Variants in ADCY2 observed in about 807,000 individuals in gnomAD.
ADCY2 encodes adenylate cyclase 2, also known as adenylate cyclase type 2.
In ADCY2, 31 loss-of-function variants were observed where a neutral mutation model predicts 125.2. The observed-to-expected ratio is 0.25, with a 90% CI of 0.19 to 0.33. The LOEUF is 0.33. ADCY2 is among the 10% of genes least tolerant of loss of function. The pLI is 1.00. For synonymous variants in ADCY2, 512 were observed against 548.4 expected (o/e 0.93, Z 0.93); for missense variants, 904 against 1,418.2 (o/e 0.64, Z 5.82).
At chr5:7,728,971 TTG>T (rs1470582560) in intron 14 of ADCY2, among the ~76,000 whole-genome samples, 1 of 152,202 alleles carries the variant, frequency 6.6e-6, no homozygotes. Context: ...TTTGATTTTC[TTG>T]TCTCTCTTCT....
chr5:7,517,312 TG>T lies in ADCY2; in HGVS notation c.409-3422del, dbSNP rs1744286209. ...GTACATCTAAGGGGAATGTCATCCA[TG>T]GGGAATGTCCCCATGGTAACATGGA... On this transcript the variant is annotated intron_variant, in intron 2 of 24. Transcript: ENST00000338316. 2.6e-5 allele frequency among the ~76,000 whole-genome samples: 4 copies of T among 152,320 alleles called. No individual in the cohort carries two copies. In the South Asian group the frequency reaches 8.3e-4, roughly 32 times the overall value.
At chr5:7,649,796 C>T (rs1247825762) in intron 4 of ADCY2, among the ~76,000 whole-genome samples, 1 of 152,124 alleles carries the variant, frequency 6.6e-6, no homozygotes, top group Non-Finnish European at 1.5e-5. Context: ...CAAAACATGA[C>T]CAAAATAGAG....
intron 4 of ADCY2, among the ~76,000 whole-genome samples, chr5:7,668,737 G>A (rs1739838040): frequency 6.6e-6 from 1 of 152,182 alleles, no homozygotes; most frequent in African/African-American, 2.4e-5. Flanking sequence ...GTCAGACAAA[G>A]GTTTTCTTGT....
At position 7,584,560 on chromosome 5, in the gene ADCY2, A is replaced by T. The variant is rs567834142; in HGVS notation, c.571-41607A>T. Among the ~76,000 whole-genome samples the T allele has an allele frequency of 7.9e-5, 12 of 152,250 alleles. No individual in the cohort carries two copies. In the South Asian group the frequency reaches 1.0e-3, roughly 13 times the overall value. Reference sequence around the variant, plus strand: ...ATCACTATGTTTGGAGATTGTGTGCACCCAGCTTTGTAACTGTGGTTATCT... The same window carrying T: ...ATCACTATGTTTGGAGATTGTGTGCTCCCAGCTTTGTAACTGTGGTTATCT... On this transcript the variant is annotated intron_variant, in intron 3 of 24. Transcript: ENST00000338316.
intron 4 of ADCY2, among the ~76,000 whole-genome samples, chr5:7,666,281 C>G (rs1161651512): frequency 6.6e-6 from 1 of 151,798 alleles, no homozygotes; most frequent in Non-Finnish European, 1.5e-5. Context: ...TTTATTTGTG[C>G]TCCTGTTACA....
intron 4 of ADCY2, among the ~76,000 whole-genome samples, chr5:7,667,991 A>G (rs1739815257): frequency 6.6e-6 from 1 of 152,220 alleles, no homozygotes; most frequent in South Asian, 2.1e-4. Flanking sequence ...GACAGGAAAA[A>G]TGAATTGTAT....
intron 2 of ADCY2, among the ~76,000 whole-genome samples, chr5:7,496,080 A>G (rs1743336533): frequency 6.6e-6 from 1 of 152,156 alleles, no homozygotes; most frequent in African/African-American, 2.4e-5. Context: ...AAAGATTGGA[A>G]CTATCAGGGG....
chr5:7,507,394 TCA>T (rs1743870993), intron 2 of ADCY2, among the ~76,000 whole-genome samples: 2 of 113,176 alleles, frequency 1.8e-5, no homozygotes, highest in African/African-American at 7.4e-5. Context: ...TGAGCCGAGA[TCA>T]TACCACTGCA....
intron 17 of ADCY2, among the ~76,000 whole-genome samples, chr5:7,770,337 C>T (rs1160304353): frequency 2.0e-5 from 3 of 152,212 alleles, no homozygotes; most frequent in Admixed American, 6.5e-5. Flanking sequence ...AAACAATCCA[C>T]ATATACCCAT....
At chr5:7,559,197 T>A (rs192017302) in intron 3 of ADCY2, among the ~76,000 whole-genome samples, 1 of 152,324 alleles carries the variant, frequency 6.6e-6, no homozygotes, top group East Asian at 1.9e-4. Context: ...AACAGTTATT[T>A]CTAGTTTTGT....
At chr5:7,712,546 G>C (rs557506993) in intron 10 of ADCY2, among the ~76,000 whole-genome samples, 1 of 152,300 alleles carries the variant, frequency 6.6e-6, no homozygotes, top group South Asian at 2.1e-4. Flanking sequence ...TCTGATATCA[G>C]TCGCCGGCAG....
intron 4 of ADCY2, among the ~76,000 whole-genome samples, chr5:7,679,533 A>G (rs1740258093): frequency 6.6e-6 from 1 of 152,310 alleles, no homozygotes; most frequent in East Asian, 1.9e-4. Context: ...GTGATTCTCT[A>G]GGTGACAGAG....
At chr5:7,541,204 C>A (rs1734983573) in intron 3 of ADCY2, among the ~76,000 whole-genome samples, 1 of 152,134 alleles carries the variant, frequency 6.6e-6, no homozygotes, top group African/African-American at 2.4e-5. Context: ...ATATTTTGTA[C>A]AGAATATCTG....
At chr5:7,570,609 G>T (rs1197908485) in intron 3 of ADCY2, among the ~76,000 whole-genome samples, 3 of 118,826 alleles carry the variant, frequency 2.5e-5, no homozygotes, top group Non-Finnish European at 5.4e-5. Context: ...AGCTAAGGAG[G>T]AGTCAAGGGA....
At chr5:7,700,500 CT>C (rs34637526) in intron 7 of ADCY2, among the ~76,000 whole-genome samples, 141,971 of 145,918 alleles carry the variant, frequency 0.97, 69,106 homozygotes, top group South Asian at 1. Flanking sequence ...TTATCCTCAA[CT>C]TTTTTTTTTT....
At chr5:7,502,755 C>T (rs2126506403) in intron 2 of ADCY2, among the ~76,000 whole-genome samples, 1 of 152,296 alleles carries the variant, frequency 6.6e-6, no homozygotes. Context: ...GTGTGAATGA[C>T]CCTGATACTC....
chr5:7,454,958 T>C lies in ADCY2; in HGVS notation c.408+40188T>C, dbSNP rs146332574. ...CATGCATAGAGCATTTTTTATGTGC[T>C]TTTTGATAGTTATTTTTCAGTATTG... On this transcript the variant is annotated intron_variant, in intron 2 of 24. Transcript: ENST00000338316. Among the ~76,000 whole-genome samples, 292 of 152,314 alleles carry C rather than the reference T, an allele frequency of 1.9e-3. 2 individuals carry two copies. Among genetic ancestry groups the C allele is most frequent in the African/African-American group, 6.6e-3 (275 of 41,562 alleles).
intron 12 of ADCY2, among the ~76,000 whole-genome samples, chr5:7,717,544 A>G (rs1315825141): frequency 6.6e-6 from 1 of 152,248 alleles, no homozygotes; most frequent in African/African-American, 2.4e-5. Context: ...GATAGATTCT[A>G]TATGGGAAAA....
At chr5:7,501,638 T>TCCAC (rs1491185696) in intron 2 of ADCY2, among the ~76,000 whole-genome samples, 1 of 27,934 alleles carries the variant, frequency 3.6e-5, no homozygotes, top group Non-Finnish European at 6.6e-5. Context: ...AAGAATGAGA[T>TCCAC]TCCCCCCTCC....
Sources: gnomAD v4.1 joint callset for allele counts (sites outside exome capture counted in the v4.1 genomes callset) on GRCh38, gnomAD v4.1.1 for gene constraint, MANE v1.5 for transcripts, NCBI Gene and HGNC (gene_info 2026-07-23, HGNC 2026-07-21) for gene names.